PGM5: variants seen among roughly 807,000 people sequenced by gnomAD.
PGM5 encodes phosphoglucomutase 5, also known as phosphoglucomutase-like protein 5.
A neutral mutation model predicts 59.2 loss-of-function variants in PGM5; 23 were observed. The observed-to-expected ratio is 0.39, with a 90% CI of 0.28 to 0.55. The LOEUF is 0.55. Among genes scored for constraint, PGM5 ranks in the 20% least tolerant of loss-of-function variants. The probability of loss-of-function intolerance (pLI) is 0.66; values close to 1 mark genes in which losing one functional copy is unlikely to be tolerated. For synonymous variants in PGM5, 214 were observed against 286.0 expected, an observed-to-expected ratio of 0.75 and a Z score of 2.54; for missense variants, 574 against 748.3, an observed-to-expected ratio of 0.77 and a Z score of 2.72.
Position 68,392,417 on chromosome 9 carries a change from T to C in PGM5, c.987T>C (p.Arg329=), listed in dbSNP as rs1554679579. 1 of 1,611,438 alleles carries C rather than the reference T, an allele frequency of 6.2e-7. No individual in the cohort carries two copies. The highest frequency in any genetic ancestry group is 1.3e-5 in the African/African-American group (1 of 74,836). ...ACCTCTCTTGCATTCCATATTTCCG[T>C]CAGATGGGGGTCCGCGGGTTTGGGA... The part of the protein sequence containing the change: ...AANLSCIPYF[R]QMGVRGFGRS... The change falls in exon 6 of 11, where the codon CGT becomes CGC. Residue 329 remains arginine, a synonymous_variant. Coordinates refer to ENST00000396396, the MANE Select transcript of PGM5 (RefSeq NM_021965.4).
At chr9:68,528,292 T>G (rs1030533911) in intron 10 of PGM5, among the ~76,000 whole-genome samples, 8 of 152,240 alleles carry the variant, frequency 5.3e-5, no homozygotes, top group African/African-American at 1.7e-4. Context: ...TCACCCAGGT[T>G]GGAATGCAGT....
At chr9:68,466,393 T>A (rs150176410) in intron 7 of PGM5, 309 of 226,758 alleles carry the variant, frequency 1.4e-3, no homozygotes, top group African/African-American at 7.0e-3. Context: ...ATATTAGACA[T>A]GGTTGTTTTA....
chr9:68,482,556 G>A (rs1421083792), intron 8 of PGM5, among the ~76,000 whole-genome samples: 1 of 152,194 alleles, frequency 6.6e-6, no homozygotes, highest in Non-Finnish European at 1.5e-5. Flanking sequence ...AAGATCTTGA[G>A]TGGAAAAAAG....
At chr9:68,495,722 G>T (rs1415894553) in intron 9 of PGM5, among the ~76,000 whole-genome samples, 1 of 152,136 alleles carries the variant, frequency 6.6e-6, no homozygotes, top group African/African-American at 2.4e-5. Context: ...ACTAGAAGCT[G>T]GAACACCAGG....
chr9:68,479,560 A>C lies in PGM5; in HGVS notation c.1295+7A>C, dbSNP rs570326585. 1 of 1,613,594 alleles carries C rather than the reference A, an allele frequency of 6.2e-7. No individual in the cohort carries two copies. Among genetic ancestry groups the C allele is most frequent in the African/African-American group, 1.3e-5 (1 of 75,028 alleles). On this transcript the variant is annotated splice_region_variant and intron_variant, in intron 8 of 10. Coordinates refer to ENST00000396396, the MANE Select transcript of PGM5 (RefSeq NM_021965.4). ...GCCGCCACTACTATTGCAGGTGAGG[A>C]GAAGGGGAAGGGTCTCTGTATGGAC...
chr9:68,452,301 C>G (rs1823708540), intron 6 of PGM5, among the ~76,000 whole-genome samples: 1 of 152,156 alleles, frequency 6.6e-6, no homozygotes. Flanking sequence ...GCTCCCTGCC[C>G]TTCTCTTAGT....
chr9:68,440,054 G>T (rs1487274345), intron 6 of PGM5, among the ~76,000 whole-genome samples: 3 of 152,004 alleles, frequency 2.0e-5, no homozygotes, highest in Non-Finnish European at 2.9e-5. Flanking sequence ...CTCCTATTAG[G>T]ATAATTTTAA....
At chr9:68,387,174 A>T (rs1822243385) in intron 3 of PGM5, among the ~76,000 whole-genome samples, 1 of 151,958 alleles carries the variant, frequency 6.6e-6, no homozygotes, top group South Asian at 2.1e-4. Context: ...AACAGGGCAC[A>T]TTTTTATCTT....
chr9:68,403,332 A>T (rs1275918319), intron 6 of PGM5, among the ~76,000 whole-genome samples: 4 of 152,194 alleles, frequency 2.6e-5, no homozygotes, highest in Non-Finnish European at 4.4e-5. Context: ...ACTCCCACTG[A>T]TTCTACATTA....
intron 10 of PGM5, among the ~76,000 whole-genome samples, chr9:68,502,468 A>T (rs1824591954): frequency 6.6e-6 from 1 of 152,118 alleles, no homozygotes; most frequent in South Asian, 2.1e-4. Context: ...TGGGTGGAGT[A>T]GTTAAGGAAC....
At chr9:68,409,478 A>G (rs1303082798) in intron 6 of PGM5, among the ~76,000 whole-genome samples, 5 of 128,858 alleles carry the variant, frequency 3.9e-5, no homozygotes, top group Non-Finnish European at 8.1e-5. Context: ...ACCAACCCAA[A>G]TGTCCAACAA....
At chr9:68,519,977 C>T (rs1470119596) in intron 10 of PGM5, among the ~76,000 whole-genome samples, 2 of 150,000 alleles carry the variant, frequency 1.3e-5, no homozygotes, top group Admixed American at 6.7e-5. Flanking sequence ...GTAGTCCTAG[C>T]TAATTGGGAG....
At chr9:68,398,074 A>T (rs1822557727) in intron 6 of PGM5, 1 of 152,142 alleles carries the variant, frequency 6.6e-6, no homozygotes, top group South Asian at 2.1e-4. Context: ...GTGCTGTTTC[A>T]TCTCCCAGAT....
intron 1 of PGM5, among the ~76,000 whole-genome samples, chr9:68,362,864 T>A (rs1205673488): frequency 7.1e-6 from 1 of 141,690 alleles, no homozygotes; most frequent in African/African-American, 2.6e-5. Flanking sequence ...TTTTTCTTTT[T>A]CTTTTTTTTT....
At chr9:68,438,798 C>T (rs992498579) in intron 6 of PGM5, among the ~76,000 whole-genome samples, 4 of 152,086 alleles carry the variant, frequency 2.6e-5, no homozygotes, top group Non-Finnish European at 4.4e-5. Context: ...AGTTCTGTTT[C>T]GAGGAACTTA....
At chr9:68,467,226 G>T (rs1554685900) in intron 7 of PGM5, among the ~76,000 whole-genome samples, 1 of 152,110 alleles carries the variant, frequency 6.6e-6, no homozygotes, top group Non-Finnish European at 1.5e-5. Flanking sequence ...GGAACCCCAG[G>T]TGATTTTAAA....
At chr9:68,381,521 G>C (rs1350074222) in intron 2 of PGM5, among the ~76,000 whole-genome samples, 1 of 151,822 alleles carries the variant, frequency 6.6e-6, no homozygotes, top group Non-Finnish European at 1.5e-5. Context: ...GTACTAGCAA[G>C]AGCAATCAGA....
chr9:68,506,649 T>A (rs1189676563), intron 10 of PGM5, among the ~76,000 whole-genome samples: 1 of 152,196 alleles, frequency 6.6e-6, no homozygotes, highest in East Asian at 1.9e-4. Context: ...TCATAAGGGA[T>A]CTAGAGTGAG....
rs1587821010 is a variant in PGM5, at chr9:68,471,177, T to C, written c.1159+5969T>C. On this transcript the variant is annotated intron_variant, in intron 7 of 10. Transcript: ENST00000396396. ...AAGGAATGGGGCTTCTGAAACCACA[T>C]CTGTACTGACCAGAGTATCCTGGGA... Among the ~76,000 whole-genome samples, 3 of 152,280 alleles carry C rather than the reference T, an allele frequency of 2.0e-5. No homozygotes were observed. In the East Asian group the frequency reaches 5.8e-4, roughly 29 times the overall value.
Sources: gnomAD v4.1 joint callset for allele counts (sites outside exome capture counted in the v4.1 genomes callset) on GRCh38, gnomAD v4.1.1 for gene constraint, MANE v1.5 for transcripts, NCBI Gene and HGNC (gene_info 2026-07-23, HGNC 2026-07-21) for gene names.